The following KLF12 variants were observed in gnomAD, a reference collection of about 807,000 sequenced individuals.
KLF12 encodes Krueppel-like factor 12.
In KLF12, 9 loss-of-function variants were observed where a neutral mutation model predicts 37.8. That is an observed-to-expected ratio of 0.24 (90% CI 0.14 to 0.42). The LOEUF (loss-of-function observed/expected upper bound fraction) is 0.42, where lower values mean the gene tolerates loss of function less well. Ranked by LOEUF, KLF12 falls within the 10% of genes least tolerant of loss-of-function variation. KLF12 has a pLI of 1.00. For missense variants in KLF12, 411 were observed against 516.0 expected (o/e 0.80, Z 1.97); for synonymous variants, 208 against 202.1 (o/e 1.03, Z -0.25).
At chr13:73,899,206 G>A (rs1887926885) in intron 3 of KLF12, among the ~76,000 whole-genome samples, 1 of 152,168 alleles carries the variant, frequency 6.6e-6, no homozygotes, top group Non-Finnish European at 1.5e-5. Context: ...TAAGAAGGTG[G>A]AATAAAAGCA....
At position 73,695,426 on chromosome 13, in the gene KLF12, C is replaced by T. The variant is rs1338943258; in HGVS notation, c.*64G>A. The T allele has an allele frequency of 3.3e-6, 5 of 1,508,766 alleles. No individual in the cohort carries two copies. The African/African-American group carries it at 5.5e-5, about 17-fold the overall frequency. 93.5% of individuals were successfully genotyped at this position (1,508,766 alleles called of 1,614,324 possible). ...TGTTAACACTGTGAAGGGGATTCAG[C>T]CCTGCTGAATTGGGTGCCGCTAAGA... On this transcript the variant is annotated 3_prime_UTR_variant, in exon 8 of 8. Transcript: ENST00000377669.
At chr13:74,063,100 G>A (rs1190324045) in intron 1 of KLF12, among the ~76,000 whole-genome samples, 1 of 152,124 alleles carries the variant, frequency 6.6e-6, no homozygotes, top group Non-Finnish European at 1.5e-5. Context: ...CAGCTGCCTC[G>A]GTGCACCATG....
chr13:74,053,223 A>G (rs1238123760), intron 1 of KLF12, among the ~76,000 whole-genome samples: 1 of 152,156 alleles, frequency 6.6e-6, no homozygotes, highest in Non-Finnish European at 1.5e-5. Context: ...TGATAGTGAA[A>G]AATTCCATTT....
At chr13:74,194,899 C>T in the KLF12 span, among the ~76,000 whole-genome samples, 4 of 152,182 alleles carry the variant, frequency 2.6e-5, no homozygotes, top group Non-Finnish European at 5.9e-5. Context: ...ATCTATAAAT[C>T]TGTTCAACTC....
At chr13:74,102,247 C>T (rs996976807) in intron 1 of KLF12, among the ~76,000 whole-genome samples, 1 of 151,436 alleles carries the variant, frequency 6.6e-6, no homozygotes. Flanking sequence ...AAAGAATATG[C>T]CTGATGGATG....
chr13:74,060,753 CTT>C (rs1208070923), intron 1 of KLF12, among the ~76,000 whole-genome samples: 1 of 152,076 alleles, frequency 6.6e-6, no homozygotes. Flanking sequence ...ATTTGGATGT[CTT>C]TTATTTCTCT....
chr13:73,784,680 G>C (rs1594088109), intron 5 of KLF12, among the ~76,000 whole-genome samples: 1 of 149,816 alleles, frequency 6.7e-6, no homozygotes, highest in South Asian at 2.1e-4. Flanking sequence ...GCCCAGGCTG[G>C]AGTGCAGTGG....
At chr13:74,169,296 G>A in the KLF12 span, among the ~76,000 whole-genome samples, 1 of 152,138 alleles carries the variant, frequency 6.6e-6, no homozygotes, top group Non-Finnish European at 1.5e-5. Flanking sequence ...CTATTATTAT[G>A]TATCTACTTT....
chr13:73,812,885 T>G (rs1037737060), intron 5 of KLF12: 3 of 307,872 alleles, frequency 9.7e-6, no homozygotes, highest in Non-Finnish European at 1.2e-5. Context: ...TTTTTTTTTT[T>G]GCAGAGTTCA....
chr13:73,708,767 G>C (rs537250702), intron 7 of KLF12, among the ~76,000 whole-genome samples: 1 of 152,266 alleles, frequency 6.6e-6, no homozygotes, highest in South Asian at 2.1e-4. Flanking sequence ...CTTAACGTGA[G>C]GGAATCCATA....
intron 1 of KLF12, among the ~76,000 whole-genome samples, chr13:74,091,540 T>C (rs1875659301): frequency 6.6e-6 from 1 of 152,192 alleles, no homozygotes; most frequent in Non-Finnish European, 1.5e-5. Flanking sequence ...TAACATTCCA[T>C]TGTCTCAAGG....
At chr13:73,892,625 C>A (rs191538520) in intron 3 of KLF12, among the ~76,000 whole-genome samples, 1 of 152,250 alleles carries the variant, frequency 6.6e-6, no homozygotes, top group South Asian at 2.1e-4. Context: ...AATAAGGAAT[C>A]TGACAAACTA....
At chr13:73,783,511 T>C (rs9592944) in intron 5 of KLF12, among the ~76,000 whole-genome samples, 27,922 of 152,026 alleles carry the variant, frequency 0.18, 3,386 homozygotes, top group East Asian at 0.45. Context: ...ATGATAAACG[T>C]TTGAGATGAT....
chr13:73,946,512 T>C (rs1890430629), intron 2 of KLF12, among the ~76,000 whole-genome samples: 1 of 152,262 alleles, frequency 6.6e-6, no homozygotes, highest in African/African-American at 2.4e-5. Flanking sequence ...GGTTTTTCTT[T>C]AAATTTATAT....
intron 4 of KLF12, among the ~76,000 whole-genome samples, chr13:73,823,457 G>C (rs1421504902): frequency 2.0e-5 from 3 of 152,184 alleles, no homozygotes; most frequent in Non-Finnish European, 4.4e-5. Context: ...GCCACATAGA[G>C]AATCAGTGTT....
At chr13:73,774,521 C>G (rs1414314263) in intron 5 of KLF12, among the ~76,000 whole-genome samples, 1 of 152,028 alleles carries the variant, frequency 6.6e-6, no homozygotes, top group Admixed American at 6.6e-5. Context: ...TTAGTGGACA[C>G]AGTGGGAAAA....
chr13:73,743,559 A>G (rs1035998310), intron 6 of KLF12, among the ~76,000 whole-genome samples: 1 of 152,142 alleles, frequency 6.6e-6, no homozygotes, highest in African/African-American at 2.4e-5. Flanking sequence ...GGGTTGGGGG[A>G]GTACTAGAAA....
At chr13:73,707,352 G>A (rs1292123732) in intron 7 of KLF12, among the ~76,000 whole-genome samples, 1 of 152,186 alleles carries the variant, frequency 6.6e-6, no homozygotes, top group Admixed American at 6.5e-5. Flanking sequence ...GTTTGTCTAA[G>A]TTCACTAACA....
chr13:73,727,021 A>C (rs918510677), intron 6 of KLF12, among the ~76,000 whole-genome samples: 4 of 152,124 alleles, frequency 2.6e-5, no homozygotes, highest in Non-Finnish European at 5.9e-5. Flanking sequence ...TTTGATGAGC[A>C]TTTCCCTAAT....
Sources: allele counts gnomAD v4.1 joint callset (sites outside exome capture counted in the v4.1 genomes callset), GRCh38; gene constraint gnomAD v4.1.1; transcripts MANE v1.5; gene names NCBI Gene and HGNC (gene_info 2026-07-23, HGNC 2026-07-21).